The following ABCB5 variants were observed in gnomAD, a reference collection of about 807,000 sequenced individuals.
ABCB5 encodes the protein ATP-binding cassette sub-family B member 5.
A neutral mutation model predicts 144.2 loss-of-function variants in ABCB5; 155 were observed. The observed-to-expected ratio is 1.08, with a 90% CI of 0.94 to 1.23. The LOEUF (loss-of-function observed/expected upper bound fraction) is 1.23, where lower values mean the gene tolerates loss of function less well. Ranked by LOEUF, ABCB5 falls within the 50% of genes most tolerant of loss-of-function variation. ABCB5 has a pLI of 0.00. For missense variants in ABCB5, 1,830 were observed against 1,520.8 expected (o/e 1.20, Z -3.38); for synonymous variants, 610 against 528.6 (o/e 1.15, Z -2.11).
At chr7:20,694,097 T>C (rs1023785208) in intron 16 of ABCB5, among the ~76,000 whole-genome samples, 3 of 143,474 alleles carry the variant, frequency 2.1e-5, no homozygotes, top group African/African-American at 7.7e-5. Flanking sequence ...AAAAAAAAAG[T>C]GATAAGGAAG....
At chr7:20,687,469 A>T (rs925392928) in intron 16 of ABCB5, among the ~76,000 whole-genome samples, 3 of 152,246 alleles carry the variant, frequency 2.0e-5, no homozygotes, top group Non-Finnish European at 4.4e-5. Flanking sequence ...CACCAGAACT[A>T]GAGCAAAAGC....
chr7:20,703,139 A>T (rs530417154), intron 19 of ABCB5, among the ~76,000 whole-genome samples: 1 of 152,142 alleles, frequency 6.6e-6, no homozygotes, highest in Non-Finnish European at 1.5e-5. Context: ...AATTCTTTTC[A>T]TATTTTTTAC....
At chr7:20,659,305 C>T (rs780202437) in intron 14 of ABCB5, 1 of 1,426,392 alleles carries the variant, frequency 7.0e-7, no homozygotes, top group South Asian at 1.6e-5. Flanking sequence ...TTCTCGATGG[C>T]CTGACTCCCT....
At chr7:20,660,845 G>GC (rs1784981145) in intron 14 of ABCB5, among the ~76,000 whole-genome samples, 1 of 151,994 alleles carries the variant, frequency 6.6e-6, no homozygotes, top group African/African-American at 2.4e-5. Flanking sequence ...TCCACAACCT[G>GC]CCCTCACATA....
At chr7:20,634,896 A>G (rs1784119007) in intron 5 of ABCB5, among the ~76,000 whole-genome samples, 1 of 152,068 alleles carries the variant, frequency 6.6e-6, no homozygotes, top group Non-Finnish European at 1.5e-5. Context: ...TGCTGTGCAG[A>G]AGCTTTTTAA....
chr7:20,681,440 T>TA, intron 14 of ABCB5, 65 bp from the exon 15 acceptor site: 1 of 1,553,790 alleles, frequency 6.4e-7, no homozygotes, highest in South Asian at 1.2e-5. Flanking sequence ...AAAGATTTCT[T>TA]AAACAGTGCA....
Position 20,755,467 on chromosome 7 carries a change from C to G in ABCB5, c.3617C>G (p.Thr1206Arg), listed in dbSNP as rs1284367257. Residue 1206 changes from threonine to arginine, a missense_variant, in exon 28 of 28, where the codon ACA (threonine) becomes AGA (arginine). Transcript: ENST00000404938. ...CTTGATAAAGCCAGGACGGGAAGGA[C>G]ATGCCTAGTGGTCACTCACAGGCTC... ...HALDKARTGR[T>R]CLVVTHRLSA... The G allele has an allele frequency of 6.2e-7, 1 of 1,614,178 alleles. No individual in the cohort carries two copies.
Position 20,698,447 on chromosome 7 carries a change from T to C in ABCB5, c.2051T>C (p.Leu684Ser). The C allele has an allele frequency of 6.3e-7, 1 of 1,587,518 alleles. No individual in the cohort carries two copies. The highest frequency in any genetic ancestry group is 1.2e-5 in the South Asian group (1 of 85,038). The change falls in exon 17 of 28, where the codon TTA becomes TCA. Residue 684 changes from leucine (L) to serine (S), a missense_variant. Leu to Ser is a moderately radical substitution (Grantham distance 145). Transcript: ENST00000404938. ...PEVSLLKILK[L>S]NKPEWPFVVL... ...GTCTCTCTATTAAAAATTTTAAAGT[T>C]AAACAAGCCTGAATGGCCTTTTGTG... is the stretch of plus-strand genomic sequence containing the variant.
At chr7:20,619,646 G>A (rs1245144875) in intron 1 of ABCB5, among the ~76,000 whole-genome samples, 1 of 152,012 alleles carries the variant, frequency 6.6e-6, no homozygotes, top group Non-Finnish European at 1.5e-5. Context: ...TTACTTTGTT[G>A]AAGTTTCTCT....
At chr7:20,731,440 G>A (rs796452144) in intron 23 of ABCB5, among the ~76,000 whole-genome samples, 1 of 151,166 alleles carries the variant, frequency 6.6e-6, no homozygotes, top group Non-Finnish European at 1.5e-5. Context: ...GTGTTGGAGG[G>A]CTTTAGAGCT....
intron 14 of ABCB5, chr7:20,659,051 AC>A: frequency 1.9e-6 from 3 of 1,612,964 alleles, no homozygotes; most frequent in Non-Finnish European, 2.5e-6. Context: ...TTCTCTGACC[AC>A]TTTTCTTCTT....
At chr7:20,658,917 TC>T (rs1784904385) in intron 14 of ABCB5, 1 of 963,932 alleles carries the variant, frequency 1.0e-6, no homozygotes, top group Admixed American at 1.9e-5. Flanking sequence ...CAAGCAATCA[TC>T]CAGTCTATAC....
chr7:20,748,184 G>T (rs1183141833), intron 26 of ABCB5, among the ~76,000 whole-genome samples: 1 of 152,166 alleles, frequency 6.6e-6, no homozygotes, highest in East Asian at 1.9e-4. Context: ...GGGAACAAAG[G>T]TGCCCTTGCT....
chr7:20,652,624 C>A (rs79719780), intron 13 of ABCB5, among the ~76,000 whole-genome samples: 15,422 of 152,170 alleles, frequency 0.1, 942 homozygotes, highest in Non-Finnish European at 0.13. Flanking sequence ...AGAGTGAAAT[C>A]ATATTTGGAA....
intron 14 of ABCB5, among the ~76,000 whole-genome samples, 181 bp downstream of exon 14, chr7:20,658,857 G>A (rs73684668): frequency 0.054 from 8,176 of 152,216 alleles, 623 homozygotes; most frequent in African/African-American, 0.17. Flanking sequence ...GAGGACAGAA[G>A]GAGATGCTGT....
intron 4 of ABCB5, among the ~76,000 whole-genome samples, chr7:20,629,149 T>C (rs1463189150): frequency 9.1e-6 from 1 of 109,516 alleles, no homozygotes; most frequent in Non-Finnish European, 2.1e-5. Flanking sequence ...AGACTGCGTG[T>C]GTGTGTGTGT....
chr7:20,721,721 A>C (rs1781874266), intron 20 of ABCB5, among the ~76,000 whole-genome samples: 1 of 152,222 alleles, frequency 6.6e-6, no homozygotes. Context: ...ATGTACAAAA[A>C]ATATACAAAA....
chr7:20,752,029 T>C (rs540534870), intron 26 of ABCB5, among the ~76,000 whole-genome samples: 176 of 152,328 alleles, frequency 1.2e-3, no homozygotes, highest in Non-Finnish European at 1.8e-3. Flanking sequence ...CACAGGTTCG[T>C]GACACCAACT....
intron 22 of ABCB5, 109 bp from the exon 23 acceptor site, chr7:20,728,206 C>T: frequency 7.6e-7 from 1 of 1,321,024 alleles, no homozygotes; most frequent in Non-Finnish European, 1.0e-6. Flanking sequence ...AAATGCCTTT[C>T]CACCAAATTA....
Sources: allele counts gnomAD v4.1 joint callset (sites outside exome capture counted in the v4.1 genomes callset), GRCh38; gene constraint gnomAD v4.1.1; transcripts MANE v1.5; gene names NCBI Gene and HGNC (gene_info 2026-07-23, HGNC 2026-07-21).